The following COG6 variants were observed in gnomAD, a reference collection of about 807,000 sequenced individuals.
COG6 encodes the protein conserved oligomeric Golgi complex subunit 6.
Under a neutral mutation model 88.8 loss-of-function variants are expected in COG6, and 74 were observed. The observed-to-expected ratio is 0.83, with a 90% confidence interval of 0.69 to 1.01. The LOEUF is 1.01. COG6 is among the 50% of genes least tolerant of loss of function. The pLI, the probability that COG6 is intolerant of heterozygous loss-of-function variation, is 0.00. For missense variants in COG6, 800 were observed against 797.9 expected, an observed-to-expected ratio of 1.00 and a Z score of -0.03; for synonymous variants, 286 against 278.7, an observed-to-expected ratio of 1.03 and a Z score of -0.26.
chr13:39,781,970 G>A (rs77869001), intron 18 of COG6, among the ~76,000 whole-genome samples: 2,256 of 152,066 alleles, frequency 0.015, 23 homozygotes, highest in Non-Finnish European at 0.024. Context: ...TTTCCCTTGG[G>A]TTCTTAACTT....
At chr13:39,680,528 C>G (rs1252920778) in intron 7 of COG6, among the ~76,000 whole-genome samples, 3 of 152,216 alleles carry the variant, frequency 2.0e-5, no homozygotes, top group African/African-American at 7.2e-5. Flanking sequence ...GGTCAGAAAT[C>G]AGATGTGGTT....
intron 18 of COG6, among the ~76,000 whole-genome samples, chr13:39,740,557 C>T (rs1281648804): frequency 6.6e-6 from 1 of 152,172 alleles, no homozygotes; most frequent in African/African-American, 2.4e-5. Context: ...CTATTCTCTT[C>T]AACACTAGAC....
intron 18 of COG6, among the ~76,000 whole-genome samples, chr13:39,738,264 A>G (rs932695043): frequency 6.6e-6 from 1 of 152,162 alleles, no homozygotes; most frequent in African/African-American, 2.4e-5. Context: ...CACATAAAAC[A>G]TACGACAACA....
chr13:39,680,924 T>C (rs1432915912), intron 7 of COG6, among the ~76,000 whole-genome samples: 3 of 152,214 alleles, frequency 2.0e-5, no homozygotes, highest in African/African-American at 7.2e-5. Flanking sequence ...TCTACTGCCT[T>C]AATTTCATTT....
chr13:39,657,378 GC>G (rs1178356154), intron 1 of COG6, among the ~76,000 whole-genome samples: 1 of 152,160 alleles, frequency 6.6e-6, no homozygotes, highest in Non-Finnish European at 1.5e-5. Context: ...TGGAGAGAGT[GC>G]AGCTAGGTTG....
intron 3 of COG6, among the ~76,000 whole-genome samples, chr13:39,662,149 T>TTTC (rs1874938659): frequency 6.7e-6 from 1 of 149,554 alleles, no homozygotes; most frequent in Non-Finnish European, 1.5e-5. Context: ...TGTATTTTTT[T>TTTC]TTTTTTTTTT....
intron 15 of COG6, among the ~76,000 whole-genome samples, chr13:39,720,506 A>G (rs997620071): frequency 6.6e-6 from 1 of 152,092 alleles, no homozygotes; most frequent in Non-Finnish European, 1.5e-5. Context: ...GGGTATAGGA[A>G]TGAGTTTTGA....
At chr13:39,690,445 T>C (rs1314034127) in intron 11 of COG6, among the ~76,000 whole-genome samples, 2 of 151,998 alleles carry the variant, frequency 1.3e-5, no homozygotes, top group Admixed American at 6.6e-5. Flanking sequence ...ACTGTGTAGA[T>C]GAAGTACATA....
At position 39,659,393 on chromosome 13, in the gene COG6, A is replaced by G. The variant is rs1216649518; in HGVS notation, c.183A>G (p.Ser61=). Residue 61 remains serine, a synonymous_variant, in exon 2 of 19, where the codon TCA becomes TCG. Transcript: ENST00000455146. ...TGTTAGAAGCTCTCAAGGCACTTTC[A>G]ACCTTTTTTGTTGAAAATAGTCTGC... The part of the protein sequence containing the change: ...KEMLEALKAL[S]TFFVENSLRT... 1.2e-6 allele frequency: 2 copies of G among 1,613,602 alleles called. No individual in the cohort carries two copies. The highest frequency in any genetic ancestry group is 2.2e-5 in the East Asian group (1 of 44,786).
intron 11 of COG6, among the ~76,000 whole-genome samples, chr13:39,691,570 G>A (rs1178809722): frequency 6.6e-6 from 1 of 151,858 alleles, no homozygotes; most frequent in Non-Finnish European, 1.5e-5. Flanking sequence ...TTTAGCAGGT[G>A]TTCACAATAG....
At position 39,751,781 on chromosome 13, in the gene COG6, A is replaced by T. The variant is rs764897474; in HGVS notation, c.*688A>T. 1 of 1,287,086 alleles carries T rather than the reference A, an allele frequency of 7.8e-7. No individual in the cohort carries two copies. Among genetic ancestry groups the T allele is most frequent in the Non-Finnish European group, 1.0e-6 (1 of 988,682 alleles). 79.7% of individuals were successfully genotyped at this position (1,287,086 alleles called of 1,614,324 possible). On this transcript the variant is annotated 3_prime_UTR_variant, in exon 19 of 19. Transcript: ENST00000455146. ...GAGAAAAGTGATTTAAACAGGGTGG[A>T]TTCCACTCTGTGGGAGCCTTCGATG...
intron 18 of COG6, among the ~76,000 whole-genome samples, chr13:39,728,041 G>A (rs999962037): frequency 9.9e-5 from 15 of 152,128 alleles, no homozygotes; most frequent in South Asian, 4.1e-4. Flanking sequence ...TAGAAGAAGC[G>A]GAGAGATTAT....
chr13:39,774,948 T>G (rs1330521674), intron 18 of COG6, among the ~76,000 whole-genome samples: 2 of 152,122 alleles, frequency 1.3e-5, no homozygotes, highest in African/African-American at 4.8e-5. Flanking sequence ...TTCCGAGAGA[T>G]TGCAAATTTA....
intron 13 of COG6, among the ~76,000 whole-genome samples, chr13:39,707,151 C>CA (rs1416850084): frequency 4.3e-4 from 63 of 146,090 alleles, no homozygotes; most frequent in Admixed American, 1.3e-3. Context: ...TTTTTTGAGA[C>CA]AGAGTCTCGC....
intron 4 of COG6, among the ~76,000 whole-genome samples, chr13:39,675,147 G>T (rs919500550): frequency 1.3e-5 from 2 of 151,990 alleles, no homozygotes; most frequent in Non-Finnish European, 2.9e-5. Flanking sequence ...AAATACGCTA[G>T]AAGTTATAAT....
At chr13:39,664,828 A>G (rs529021797) in intron 3 of COG6, among the ~76,000 whole-genome samples, 1 of 152,322 alleles carries the variant, frequency 6.6e-6, no homozygotes, top group Non-Finnish European at 1.5e-5. Context: ...TGCACTAAAA[A>G]GCATCATGAA....
At chr13:39,656,019 C>G in intron 1 of COG6, 140 bp downstream of exon 1, 2 of 1,122,080 alleles carry the variant, frequency 1.8e-6, no homozygotes, top group Non-Finnish European at 1.3e-6. Context: ...CCTGCGGGCT[C>G]CGCTGCTCTG....
intron 11 of COG6, among the ~76,000 whole-genome samples, chr13:39,693,956 A>T (rs1877119548): frequency 6.6e-6 from 1 of 151,932 alleles, no homozygotes. Context: ...TTAAGGACAG[A>T]TACAATATTT....
intron 18 of COG6, among the ~76,000 whole-genome samples, chr13:39,731,272 AC>A (rs1879436728): frequency 6.6e-6 from 1 of 152,128 alleles, no homozygotes; most frequent in African/African-American, 2.4e-5. Flanking sequence ...AGTTTGACTG[AC>A]TTTCAAAGGA....
Sources: gnomAD v4.1 joint callset for allele counts (sites outside exome capture counted in the v4.1 genomes callset) on GRCh38, gnomAD v4.1.1 for gene constraint, MANE v1.5 for transcripts, NCBI Gene and HGNC (gene_info 2026-07-23, HGNC 2026-07-21) for gene names.